Variants in ZNF503 observed in about 807,000 individuals in gnomAD.
ZNF503 encodes the protein zinc finger protein 503.
ZNF503 carries 15 observed loss-of-function variants against 34.4 expected under a neutral mutation model. The observed-to-expected ratio is 0.44, with a 90% CI of 0.29 to 0.67. The LOEUF is 0.67. Ranked by LOEUF, ZNF503 falls within the 30% of genes least tolerant of loss-of-function variation. The probability of loss-of-function intolerance (pLI) is 0.13; values close to 1 mark genes in which losing one functional copy is unlikely to be tolerated. For synonymous variants in ZNF503, 580 were observed against 456.8 expected (o/e 1.27, Z -3.44); for missense variants, 1,007 against 926.8 (o/e 1.09, Z -1.12).
chr10:75,280,555 C>T, the ZNF503 span, among the ~76,000 whole-genome samples: 4 of 146,516 alleles, frequency 2.7e-5, no homozygotes, highest in East Asian at 2.0e-4. Flanking sequence ...GGTGTGTATG[C>T]GTGTGTGTGT....
At chr10:75,318,059 T>C in the ZNF503 span, among the ~76,000 whole-genome samples, 1 of 152,122 alleles carries the variant, frequency 6.6e-6, no homozygotes, top group Admixed American at 6.5e-5. Context: ...GTTGAGCGAG[T>C]AGATTGTAAG....
At chr10:75,330,890 G>A in the ZNF503 span, among the ~76,000 whole-genome samples, 3 of 151,708 alleles carry the variant, frequency 2.0e-5, no homozygotes, top group African/African-American at 7.3e-5. Context: ...CTAATTTTGG[G>A]GTTGGTTTAT....
At chr10:75,361,101 G>C in the ZNF503 span, 1 of 152,240 alleles carries the variant, frequency 6.6e-6, no homozygotes, top group African/African-American at 2.4e-5. Flanking sequence ...ATTTGGAGAG[G>C]CAGACAATAT....
the ZNF503 span, among the ~76,000 whole-genome samples, chr10:75,302,890 T>C: frequency 1.3e-5 from 2 of 152,226 alleles, no homozygotes; most frequent in African/African-American, 4.8e-5. Flanking sequence ...TGGGCAGTTA[T>C]AGACTCATAT....
chr10:75,381,918 C>A, the ZNF503 span, among the ~76,000 whole-genome samples: 4 of 144,776 alleles, frequency 2.8e-5, no homozygotes, highest in East Asian at 8.6e-4. Context: ...GTGATTCTCC[C>A]ATCTAAGCCT....
chr10:75,379,359 G>A, the ZNF503 span, among the ~76,000 whole-genome samples: 3 of 152,118 alleles, frequency 2.0e-5, no homozygotes, highest in African/African-American at 7.2e-5. Context: ...TTTATCTCCC[G>A]AGATTAGCAT....
chr10:75,339,442 G>A, the ZNF503 span, among the ~76,000 whole-genome samples: 1 of 152,198 alleles, frequency 6.6e-6, no homozygotes, highest in Non-Finnish European at 1.5e-5. Context: ...AAAGAAGATG[G>A]GAGAGCCTCC....
chr10:75,386,698 C>A, the ZNF503 span, among the ~76,000 whole-genome samples: 1 of 152,330 alleles, frequency 6.6e-6, no homozygotes, highest in East Asian at 1.9e-4. Context: ...CAATGGCTCC[C>A]TATTGCTTAT....
At chr10:75,345,887 G>A in the ZNF503 span, among the ~76,000 whole-genome samples, 5 of 152,238 alleles carry the variant, frequency 3.3e-5, no homozygotes, top group South Asian at 2.1e-4. Flanking sequence ...AGACTGGAGC[G>A]CACGGTAGGG....
chr10:75,286,519 G>A, the ZNF503 span, among the ~76,000 whole-genome samples: 6 of 152,088 alleles, frequency 3.9e-5, no homozygotes, highest in African/African-American at 9.7e-5. Context: ...CCAGAAAACT[G>A]CCTCTTCTCT....
At chr10:75,284,845 A>C in the ZNF503 span, among the ~76,000 whole-genome samples, 11 of 152,338 alleles carry the variant, frequency 7.2e-5, no homozygotes, top group South Asian at 2.1e-4. Flanking sequence ...TTAAACAGAG[A>C]ATGCAATTAA....
the ZNF503 span, among the ~76,000 whole-genome samples, chr10:75,390,343 C>T: frequency 6.6e-6 from 1 of 151,298 alleles, no homozygotes; most frequent in Non-Finnish European, 1.5e-5. Context: ...CCCTCCTCTT[C>T]CTCCTCCTTC....
At position 75,400,162 on chromosome 10, in the gene ZNF503, C is replaced by T. The variant is rs776855113; in HGVS notation, c.528G>A (p.Lys176=). Residue 176 remains lysine, a synonymous_variant, in exon 2 of 2, where the codon AAG becomes AAA. Coordinates refer to ENST00000372524, the MANE Select transcript of ZNF503 (RefSeq NM_032772.6). ...DIGVEDKSSF[K]PYSKPGSDKK... is the part of the protein sequence containing the mutation. Reference sequence around the variant, plus strand: ...TATCCGAGCCGGGTTTGGAGTACGGCTTGAAACTCGACTTGTCCTCCACGC... The same window carrying T: ...TATCCGAGCCGGGTTTGGAGTACGGTTTGAAACTCGACTTGTCCTCCACGC... 9 of 1,564,156 alleles carry T rather than the reference C, an allele frequency of 5.8e-6. No individual in the cohort carries two copies. In the African/African-American group the frequency reaches 8.2e-5, roughly 14 times the overall value.
At chr10:75,394,782 G>A (rs879428314), downstream of ZNF503, among the ~76,000 whole-genome samples, 4 of 152,216 alleles carry the variant, frequency 2.6e-5, no homozygotes, top group African/African-American at 7.2e-5. Flanking sequence ...GTGTTGACAG[G>A]CATCTGCATT....
the ZNF503 span, among the ~76,000 whole-genome samples, chr10:75,380,188 G>C: frequency 6.6e-6 from 1 of 152,170 alleles, no homozygotes; most frequent in Non-Finnish European, 1.5e-5. Flanking sequence ...GGAAGACTGC[G>C]GAGGCAGATT....
chr10:75,293,993 G>A, the ZNF503 span, among the ~76,000 whole-genome samples: 5 of 152,278 alleles, frequency 3.3e-5, no homozygotes, highest in East Asian at 9.7e-4. Flanking sequence ...GGGGTGGTCT[G>A]TATGTGACAG....
chr10:75,340,662 G>A, the ZNF503 span, among the ~76,000 whole-genome samples: 1 of 152,110 alleles, frequency 6.6e-6, no homozygotes, highest in Non-Finnish European at 1.5e-5. Flanking sequence ...GCAATGGCAT[G>A]ATTTCAGCTC....
At chr10:75,284,388 G>C in the ZNF503 span, among the ~76,000 whole-genome samples, 49,977 of 147,262 alleles carry the variant, frequency 0.34, 9,362 homozygotes, top group South Asian at 0.45. Context: ...GGGGGCGTTG[G>C]TGGGGAGGGT....
chr10:75,308,375 T>C, the ZNF503 span, among the ~76,000 whole-genome samples: 2 of 152,228 alleles, frequency 1.3e-5, no homozygotes, highest in Non-Finnish European at 2.9e-5. Context: ...TCAAGAACTC[T>C]GATGGAGATG....
Sources: gnomAD v4.1 joint callset for allele counts (sites outside exome capture counted in the v4.1 genomes callset) on GRCh38, gnomAD v4.1.1 for gene constraint, MANE v1.5 for transcripts, NCBI Gene and HGNC (gene_info 2026-07-23, HGNC 2026-07-21) for gene names.